SCTR: variants seen among roughly 807,000 people sequenced by gnomAD.
The protein encoded by SCTR is pancreatic secretin receptor.
In SCTR, 56 loss-of-function variants were observed where a neutral mutation model predicts 60.8. The observed-to-expected ratio is 0.92, with a 90% CI of 0.74 to 1.15. The LOEUF (loss-of-function observed/expected upper bound fraction) is 1.15, where lower values mean the gene tolerates loss of function less well. Among genes scored for constraint, SCTR ranks in the 50% most tolerant of loss-of-function variants. SCTR has a pLI of 0.00. For synonymous variants in SCTR, 202 were observed against 217.0 expected (o/e 0.93, Z 0.61); for missense variants, 562 against 550.4 (o/e 1.02, Z -0.21).
rs1462395398 is a variant in SCTR, at chr2:119,448,676, G to A, written c.1013+13C>T. ...GCTGACTGACCATGCCTCAGTCTTT[G>A]CCCTTCACTTACTTATAATGGCTGA... is the stretch of plus-strand genomic sequence containing the variant. On this transcript the variant is annotated intron_variant, in intron 10 of 12. Coordinates refer to ENST00000019103, the MANE Select transcript of SCTR (RefSeq NM_002980.3). The A allele has an allele frequency of 7.6e-6, 11 of 1,444,724 alleles. No individual in the cohort carries two copies. Among genetic ancestry groups the A allele is most frequent in the African/African-American group, 1.4e-5 (1 of 71,534 alleles). 89.5% of individuals were successfully genotyped at this position (1,444,724 alleles called of 1,614,324 possible). A position where few individuals can be genotyped will look rare whatever the true frequency, so the allele number is the denominator to read the frequency against.
chr2:119,482,515 G>T (rs866403825), intron 2 of SCTR, among the ~76,000 whole-genome samples: 1 of 152,202 alleles, frequency 6.6e-6, no homozygotes, highest in East Asian at 1.9e-4. Context: ...GAGGCCAAGG[G>T]GCAGGGGTCT....
chr2:119,520,530 C>G (rs1679256648), intron 1 of SCTR, among the ~76,000 whole-genome samples: 1 of 152,224 alleles, frequency 6.6e-6, no homozygotes, highest in African/African-American at 2.4e-5. Context: ...TTCTAAGGTT[C>G]TGCTCACTGT....
chr2:119,447,917 C>T (rs1165909157), intron 10 of SCTR, among the ~76,000 whole-genome samples: 1 of 152,178 alleles, frequency 6.6e-6, no homozygotes, highest in African/African-American at 2.4e-5. Context: ...TATGTCCACA[C>T]CCACTGCCAA....
intron 4 of SCTR, among the ~76,000 whole-genome samples, chr2:119,468,213 T>G (rs1012784806): frequency 2.0e-5 from 3 of 152,206 alleles, no homozygotes; most frequent in Non-Finnish European, 4.4e-5. Context: ...TAAGGGCTAT[T>G]TATAACCAAA....
At position 119,496,194 on chromosome 2, in the gene SCTR, T is replaced by C. The variant is rs114983131; in HGVS notation, c.73-1646A>G. On this transcript the variant is annotated intron_variant, in intron 1 of 12. Transcript: ENST00000019103. ...CACCTAGAGATTGGCAGGCACTGCCTGTTAGTTCACTGGTCAGCACACATG... is the reference window on the plus strand; with the variant it reads ...CACCTAGAGATTGGCAGGCACTGCCCGTTAGTTCACTGGTCAGCACACATG... 7.5e-3 allele frequency among the ~76,000 whole-genome samples: 1,145 copies of C among 152,360 alleles called. 14 individuals carry two copies. Among genetic ancestry groups the C allele is most frequent in the African/African-American group, 0.026 (1,092 of 41,574 alleles).
intron 1 of SCTR, among the ~76,000 whole-genome samples, chr2:119,521,256 T>C (rs1005310684): frequency 2.0e-5 from 3 of 152,232 alleles, no homozygotes; most frequent in Non-Finnish European, 4.4e-5. Context: ...CACATTTCTG[T>C]ACAATTTAGC....
intron 6 of SCTR, among the ~76,000 whole-genome samples, chr2:119,463,126 C>CTT (rs1683684735): frequency 6.6e-6 from 1 of 152,108 alleles, no homozygotes; most frequent in African/African-American, 2.4e-5. Flanking sequence ...TAGGAAGTGG[C>CTT]AGGCAGGTTG....
chr2:119,444,248 C>CATATACATATGAATATATACAT (rs1558830784), intron 11 of SCTR, among the ~76,000 whole-genome samples: 3 of 129,228 alleles, frequency 2.3e-5, no homozygotes, highest in African/African-American at 7.1e-5. Context: ...AATATATACA[C>CATATACATATGAATATATACAT]ATATACATAT....
intron 1 of SCTR, among the ~76,000 whole-genome samples, chr2:119,517,552 A>C (rs528738574): frequency 6.6e-6 from 1 of 152,278 alleles, no homozygotes; most frequent in East Asian, 1.9e-4. Flanking sequence ...CTGTGGGTGG[A>C]GCGTGGGAGC....
chr2:119,448,813 G>T, intron 9 of SCTR, 33 bp from the exon 10 acceptor site: 3 of 1,266,746 alleles, frequency 2.4e-6, no homozygotes, highest in Non-Finnish European at 3.4e-6. Context: ...GGGGCTGAAG[G>T]CATCTTGCTT....
At chr2:119,519,264 C>T (rs1372848339) in intron 1 of SCTR, among the ~76,000 whole-genome samples, 7 of 152,146 alleles carry the variant, frequency 4.6e-5, no homozygotes, top group South Asian at 2.1e-4. Context: ...CATGGGCCAC[C>T]GCGCTCCGCC....
chr2:119,498,012 T>A (rs1173087944), intron 1 of SCTR, among the ~76,000 whole-genome samples: 1 of 152,044 alleles, frequency 6.6e-6, no homozygotes, highest in Non-Finnish European at 1.5e-5. Context: ...GCAAGAGACA[T>A]ACACTTGTAG....
At chr2:119,471,166 C>G (rs142890063) in intron 4 of SCTR, among the ~76,000 whole-genome samples, 345 of 152,292 alleles carry the variant, frequency 2.3e-3, no homozygotes, top group African/African-American at 8.1e-3. Context: ...GTTACGCAAG[C>G]CACATGTGCT....
chr2:119,470,757 G>A (rs1386835014), intron 4 of SCTR, among the ~76,000 whole-genome samples: 1 of 152,222 alleles, frequency 6.6e-6, no homozygotes, highest in African/African-American at 2.4e-5. Context: ...CTGGAGCGCA[G>A]TGGCGAGATC....
intron 2 of SCTR, among the ~76,000 whole-genome samples, chr2:119,488,444 G>A (rs776803631): frequency 6.6e-6 from 1 of 152,266 alleles, no homozygotes; most frequent in Non-Finnish European, 1.5e-5. Flanking sequence ...GGAATCCCCA[G>A]TGAGCTTTCT....
At chr2:119,456,931 C>G (rs1683397131) in intron 7 of SCTR, among the ~76,000 whole-genome samples, 1 of 152,126 alleles carries the variant, frequency 6.6e-6, no homozygotes, top group South Asian at 2.1e-4. Context: ...CCAGCCACCA[C>G]CAGAAGGTAG....
At chr2:119,454,557 A>G (rs559875760) in intron 7 of SCTR, among the ~76,000 whole-genome samples, 15 of 152,256 alleles carry the variant, frequency 9.9e-5, no homozygotes, top group African/African-American at 3.6e-4. Context: ...GTACAAATAA[A>G]AGGACGTAAA....
At chr2:119,440,700 C>A (rs544358780) in intron 12 of SCTR, among the ~76,000 whole-genome samples, 1 of 152,266 alleles carries the variant, frequency 6.6e-6, no homozygotes, top group South Asian at 2.1e-4. Flanking sequence ...GTGGGTAGGG[C>A]AAGGCCTGAC....
rs1679016962 is a variant in SCTR, at chr2:119,513,376, A to G, written c.72+10779T>C. On this transcript the variant is annotated intron_variant, in intron 1 of 12. Transcript: ENST00000019103. ...GATAAATATATGTGGTCAATCTGTCATCTTAAACTGAATGCCCTAAGCATA... is the reference window on the plus strand; with the variant it reads ...GATAAATATATGTGGTCAATCTGTCGTCTTAAACTGAATGCCCTAAGCATA... Among the ~76,000 whole-genome samples, 3 of 152,226 alleles carry G rather than the reference A, an allele frequency of 2.0e-5. No individual in the cohort carries two copies. In the South Asian group the frequency reaches 6.2e-4, roughly 31 times the overall value.
Sources: gnomAD v4.1 joint callset for allele counts (sites outside exome capture counted in the v4.1 genomes callset) on GRCh38, gnomAD v4.1.1 for gene constraint, MANE v1.5 for transcripts, NCBI Gene and HGNC (gene_info 2026-07-23, HGNC 2026-07-21) for gene names.